Variants in TBC1D4 observed in about 807,000 individuals in gnomAD.
TBC1D4 encodes the protein TBC (Tre-2, BUB2, CDC16) domain-containing protein.
Under a neutral mutation model 142.5 loss-of-function variants are expected in TBC1D4, and 121 were observed. The observed-to-expected ratio is 0.85, with a 90% CI of 0.73 to 0.99. TBC1D4 has a LOEUF of 0.99. Among genes scored for constraint, TBC1D4 ranks in the 50% least tolerant of loss-of-function variants. The probability of loss-of-function intolerance (pLI) is 0.00; values close to 1 mark genes in which losing one functional copy is unlikely to be tolerated. For missense variants in TBC1D4, 1,475 were observed against 1,606.6 expected, an observed-to-expected ratio of 0.92 and a Z score of 1.40; for synonymous variants, 630 against 628.2, an observed-to-expected ratio of 1.00 and a Z score of -0.04.
chr13:75,312,416 G>GAAAAAAAAAAAAAAAAAAAAA (rs762306467), intron 13 of TBC1D4, among the ~76,000 whole-genome samples: 2 of 125,754 alleles, frequency 1.6e-5, no homozygotes, highest in South Asian at 3.1e-4. Flanking sequence ...CAATCTCTGG[G>GAAAAAAAAAAAAAAAAAAAAA]AAAAAAAAAA....
In TBC1D4 at chr13:75,286,879, G is replaced by A. The variant is rs374784151; in HGVS notation, c.3810C>T (p.Pro1270=). 118 of 1,613,810 alleles carry A rather than the reference G, an allele frequency of 7.3e-5. No homozygotes were observed. Among genetic ancestry groups the A allele is most frequent in the East Asian group, 2.0e-4 (9 of 44,886 alleles). Residue 1270 remains proline, a synonymous_variant, in exon 21 of 21, where the codon CCC becomes CCT. Transcript: ENST00000377636. ...GGTCACAATTGACTAGAGCATCCGC[G>A]GGCAGCAGCTTCCGGAGTTGCTCCA... ...KTVEQLRKLL[P]ADALVNCDLL...
At chr13:75,377,705 T>C (rs1883595984) in intron 1 of TBC1D4, among the ~76,000 whole-genome samples, 1 of 86,934 alleles carries the variant, frequency 1.2e-5, no homozygotes, top group South Asian at 2.7e-4. Context: ...ATATATATTA[T>C]ATATATATAT....
chr13:75,390,913 G>T (rs1176176894), intron 1 of TBC1D4, among the ~76,000 whole-genome samples: 2 of 149,396 alleles, frequency 1.3e-5, no homozygotes, highest in Non-Finnish European at 3.0e-5. Flanking sequence ...ATTATCTTTG[G>T]ATACATATCC....
intron 1 of TBC1D4, among the ~76,000 whole-genome samples, chr13:75,457,528 G>T (rs1887788046): frequency 6.6e-6 from 1 of 152,166 alleles, no homozygotes; most frequent in African/African-American, 2.4e-5. Context: ...TGGTAGAAAT[G>T]GGAGAATACA....
In TBC1D4 at chr13:75,337,022, T is replaced by C. The variant is rs981446160; in HGVS notation, c.1630A>G (p.Ile544Val). 1.9e-6 allele frequency: 3 copies of C among 1,613,316 alleles called. No individual in the cohort carries two copies. Among genetic ancestry groups the C allele is most frequent in the Non-Finnish European group, 2.5e-6 (3 of 1,179,510 alleles). Reference sequence around the variant, plus strand: ...CCACTGCTTGTTGCATTTTCTGGGATTGTACTATTTGAAATAGTCTAAAAA... The same window carrying C: ...CCACTGCTTGTTGCATTTTCTGGGACTGTACTATTTGAAATAGTCTAAAAA... Reference protein sequence around the residue: ...EGPSTISNSTIPENATSSGRF... With the variant: ...EGPSTISNSTVPENATSSGRF... Residue 544 changes from isoleucine (I) to valine (V), a missense_variant, in exon 8 of 21, where the codon ATC (isoleucine) becomes GTC (valine). Transcript: ENST00000377636.
intron 5 of TBC1D4, among the ~76,000 whole-genome samples, chr13:75,343,446 T>G (rs1476881082): frequency 6.6e-6 from 1 of 152,236 alleles, no homozygotes; most frequent in Non-Finnish European, 1.5e-5. Flanking sequence ...CAAGTCTTGG[T>G]GATCACAGAC....
chr13:75,404,465 G>T (rs1312082750), intron 1 of TBC1D4, among the ~76,000 whole-genome samples: 1 of 152,076 alleles, frequency 6.6e-6, no homozygotes, highest in Non-Finnish European at 1.5e-5. Flanking sequence ...TTTCTCAGAC[G>T]TTCATTGTTT....
At chr13:75,405,254 A>T (rs1799624833) in intron 1 of TBC1D4, among the ~76,000 whole-genome samples, 1 of 147,226 alleles carries the variant, frequency 6.8e-6, no homozygotes, top group African/African-American at 2.5e-5. Flanking sequence ...GTGTGTATAT[A>T]TACATGTATA....
rs1318546136 is a variant in TBC1D4, at chr13:75,336,400, A to G, written c.1731+521T>C. 1.2e-4 allele frequency among the ~76,000 whole-genome samples: 17 copies of G among 141,986 alleles called. No homozygotes were observed. The East Asian group carries it at 3.1e-3, about 26-fold the overall frequency. The allele number at this position is 141,986 out of a possible 152,430, so 93.1% of individuals were successfully genotyped here. ...GACAGAGCAAGACTTCGTCTCAAGG[A>G]AAAAAAAAAAAGATCATTTTGAGCT... On this transcript the variant is annotated intron_variant, in intron 8 of 20. Transcript: ENST00000377636.
chr13:75,318,753 ATAGAT>A (rs893553597), intron 12 of TBC1D4, among the ~76,000 whole-genome samples: 1 of 152,210 alleles, frequency 6.6e-6, no homozygotes, highest in African/African-American at 2.4e-5. Flanking sequence ...GTCAAAAGAG[ATAGAT>A]TAGTCAGTGG....
intron 1 of TBC1D4, among the ~76,000 whole-genome samples, chr13:75,447,420 T>C (rs994623674): frequency 2.0e-5 from 3 of 152,118 alleles, no homozygotes; most frequent in Admixed American, 1.3e-4. Context: ...TTGTTACTTA[T>C]ATTTTCATAG....
At chr13:75,296,373 A>T (rs1290379094) in intron 17 of TBC1D4, among the ~76,000 whole-genome samples, 1 of 152,218 alleles carries the variant, frequency 6.6e-6, no homozygotes, top group Non-Finnish European at 1.5e-5. Flanking sequence ...CAGCATAAAA[A>T]GAAAGCACGT....
chr13:75,326,771 A>T (rs563844347), intron 9 of TBC1D4, among the ~76,000 whole-genome samples: 5 of 152,212 alleles, frequency 3.3e-5, no homozygotes, highest in Admixed American at 3.3e-4. Flanking sequence ...GAGCTACTGT[A>T]CTTCTCTCAC....
intron 1 of TBC1D4, among the ~76,000 whole-genome samples, chr13:75,369,093 G>C (rs1883085060): frequency 6.6e-6 from 1 of 152,082 alleles, no homozygotes; most frequent in Non-Finnish European, 1.5e-5. Flanking sequence ...CTCCCCAAAA[G>C]TGGCTGAGTT....
At chr13:75,351,457 T>C (rs903790161) in intron 4 of TBC1D4, among the ~76,000 whole-genome samples, 3 of 152,224 alleles carry the variant, frequency 2.0e-5, no homozygotes, top group Non-Finnish European at 4.4e-5. Context: ...TTAGGGTACA[T>C]GTGCACAACG....
In TBC1D4 at chr13:75,427,769, C is replaced by T. The variant is rs575225635; in HGVS notation, c.498+53501G>A. On this transcript the variant is annotated intron_variant, in intron 1 of 20. Coordinates refer to ENST00000377636, the MANE Select transcript of TBC1D4 (RefSeq NM_014832.5). ...GTCACTGATCTTTGCATCCTTCACA[C>T]ATTTATAACTGTGCTTTATTCACTG... 8.5e-5 allele frequency among the ~76,000 whole-genome samples: 13 copies of T among 152,340 alleles called. No individual in the cohort carries two copies. In the South Asian group the frequency reaches 1.0e-3, roughly 12 times the overall value.
At chr13:75,369,304 G>A (rs1883094843) in intron 1 of TBC1D4, among the ~76,000 whole-genome samples, 1 of 152,126 alleles carries the variant, frequency 6.6e-6, no homozygotes, top group Non-Finnish European at 1.5e-5. Flanking sequence ...GACCAGCCTG[G>A]GAAACATAGG....
At chr13:75,395,730 T>C (rs770932986) in intron 1 of TBC1D4, among the ~76,000 whole-genome samples, 12 of 152,012 alleles carry the variant, frequency 7.9e-5, no homozygotes, top group Non-Finnish European at 1.5e-4. Flanking sequence ...CTTAGGAGGC[T>C]GGGGCAGGAG....
chr13:75,366,990 G>C (rs922521771), intron 1 of TBC1D4: 7 of 985,176 alleles, frequency 7.1e-6, no homozygotes, highest in Non-Finnish European at 8.4e-6. Context: ...GTAGTCCTCA[G>C]TATTAGCTCT....
Sources: allele counts gnomAD v4.1 joint callset (sites outside exome capture counted in the v4.1 genomes callset), GRCh38; gene constraint gnomAD v4.1.1; transcripts MANE v1.5; gene names NCBI Gene and HGNC (gene_info 2026-07-23, HGNC 2026-07-21).